The following PIAS2 variants were observed in gnomAD, a reference collection of about 807,000 sequenced individuals.
The protein encoded by PIAS2 is protein inhibitor of activated STAT 2.
Under a neutral mutation model 69.7 loss-of-function variants are expected in PIAS2, and 19 were observed. That is an observed-to-expected ratio of 0.27 (90% CI 0.19 to 0.40). The LOEUF (loss-of-function observed/expected upper bound fraction) is 0.40, where lower values mean the gene tolerates loss of function less well. PIAS2 is among the 10% of genes least tolerant of loss of function. The pLI, the probability that PIAS2 is intolerant of heterozygous loss-of-function variation, is 1.00. For missense variants in PIAS2, 624 were observed against 757.0 expected, an observed-to-expected ratio of 0.82 and a Z score of 2.06; for synonymous variants, 261 against 263.2, an observed-to-expected ratio of 0.99 and a Z score of 0.08.
chr18:46,868,119 A>G (rs957102646), intron 2 of PIAS2, among the ~76,000 whole-genome samples: 3 of 152,214 alleles, frequency 2.0e-5, no homozygotes, highest in Middle Eastern at 3.2e-3. Flanking sequence ...CTAAGACCCC[A>G]GAGATCTTGG....
intron 1 of PIAS2, among the ~76,000 whole-genome samples, chr18:46,893,065 A>C (rs1479369746): frequency 6.6e-6 from 1 of 152,146 alleles, no homozygotes; most frequent in Non-Finnish European, 1.5e-5. Context: ...CACATACCAC[A>C]ATGTGTGTTA....
intron 1 of PIAS2, among the ~76,000 whole-genome samples, chr18:46,915,871 A>G (rs940064516): frequency 2.0e-5 from 3 of 152,150 alleles, no homozygotes; most frequent in African/African-American, 4.8e-5. Context: ...AAAAATAAAT[A>G]TAACTTCAGA....
intron 1 of PIAS2, among the ~76,000 whole-genome samples, chr18:46,899,680 T>G (rs1229358951): frequency 1.3e-5 from 2 of 152,220 alleles, no homozygotes; most frequent in Non-Finnish European, 2.9e-5. Flanking sequence ...TTTTGCAGGC[T>G]GGTCTCAAAC....
intron 8 of PIAS2, among the ~76,000 whole-genome samples, chr18:46,839,432 T>C (rs770468509): frequency 5.3e-5 from 8 of 152,192 alleles, no homozygotes; most frequent in Non-Finnish European, 8.8e-5. Flanking sequence ...AAATGATCAT[T>C]TTTACTTTTT....
At chr18:46,918,594 G>GT (rs2058281253), upstream of PIAS2, among the ~76,000 whole-genome samples, 1 of 152,054 alleles carries the variant, frequency 6.6e-6, no homozygotes, top group Non-Finnish European at 1.5e-5. Context: ...AGCTGCGATT[G>GT]TATTTTTGGT....
At position 46,890,749 on chromosome 18, in the gene PIAS2, T is replaced by G. The variant is rs1289220580; in HGVS notation, c.330A>C (p.Thr110=). 3.1e-6 allele frequency: 5 copies of G among 1,613,934 alleles called. No homozygotes were observed. Among genetic ancestry groups the G allele is most frequent in the Non-Finnish European group, 4.2e-6 (5 of 1,180,010 alleles). Residue 110 remains threonine, a synonymous_variant, in exon 2 of 14, where the codon ACA becomes ACC. Coordinates refer to ENST00000585916, the MANE Select transcript of PIAS2 (RefSeq NM_004671.5). ...GIHSLPSTSV[T]PHSPSSPVGS... is the part of the protein sequence containing the mutation. ...CAACAGGAGAGGATGGTGAGTGAGG[T>G]GTAACTGAAGTGGAAGGCAACGAGT...
chr18:46,849,459 T>C (rs1237229972), intron 5 of PIAS2, among the ~76,000 whole-genome samples: 1 of 152,120 alleles, frequency 6.6e-6, no homozygotes, highest in Non-Finnish European at 1.5e-5. Context: ...AAAGCAAAAA[T>C]AAAGTCAAGT....
At chr18:46,847,482 ATT>A (rs536478394) in intron 5 of PIAS2, among the ~76,000 whole-genome samples, 12 of 138,410 alleles carry the variant, frequency 8.7e-5, no homozygotes, top group Non-Finnish European at 1.1e-4. Flanking sequence ...CATCAACCGT[ATT>A]TTTTTTTTTT....
intron 3 of PIAS2, among the ~76,000 whole-genome samples, chr18:46,858,738 TAAAC>T (rs967977603): frequency 9.2e-5 from 14 of 152,198 alleles, no homozygotes; most frequent in African/African-American, 3.4e-4. Context: ...TGAAAGCTAT[TAAAC>T]ATAAATACCA....
upstream of PIAS2, chr18:46,918,043 C>G (rs1266120841): frequency 6.6e-6 from 1 of 151,450 alleles, no homozygotes; most frequent in Non-Finnish European, 1.5e-5. Context: ...CTGAAGGTCA[C>G]GGACTGCAGA....
At chr18:46,905,625 A>G (rs1029923837) in intron 1 of PIAS2, 7 of 152,160 alleles carry the variant, frequency 4.6e-5, no homozygotes, top group African/African-American at 1.7e-4. Flanking sequence ...AAAAAAAGAC[A>G]AGGGGATATT....
rs765598600 is a variant in PIAS2, at chr18:46,806,455, T to A, written c.*5978A>T. ...TCACTGCAACCTCCGCCTCTCAGGT[T>A]CAAGCAATTCTCATCCCTCAGCCTC... On this transcript the variant is annotated 3_prime_UTR_variant, in exon 14 of 14. Transcript: ENST00000585916. The A allele has an allele frequency of 1.4e-5, 2 of 145,500 alleles. No homozygotes were observed. The highest frequency in any genetic ancestry group is 3.0e-5 in the Non-Finnish European group (2 of 66,926). The allele number at this position is 145,500 out of a possible 1,614,324, so 9.0% of individuals were successfully genotyped here.
intron 8 of PIAS2, 172 bp downstream of exon 8, chr18:46,843,882 A>G (rs2045776063): frequency 6.6e-6 from 3 of 455,526 alleles, no homozygotes; most frequent in Non-Finnish European, 8.0e-6. Flanking sequence ...TATTCTTTGC[A>G]TGCCCAAATA....
chr18:46,814,629 G>A (rs1219301129), intron 13 of PIAS2, among the ~76,000 whole-genome samples: 6 of 152,076 alleles, frequency 3.9e-5, no homozygotes. Context: ...AGTGACCCGT[G>A]GTTCTTCCTC....
intron 11 of PIAS2, among the ~76,000 whole-genome samples, chr18:46,823,565 C>T (rs1257678383): frequency 6.6e-6 from 1 of 152,166 alleles, no homozygotes; most frequent in Non-Finnish European, 1.5e-5. Flanking sequence ...CACTTAGTAA[C>T]ATGAAACTTT....
intron 1 of PIAS2, 117 bp downstream of exon 1, chr18:46,917,205 C>CA: frequency 7.6e-7 from 1 of 1,322,970 alleles, no homozygotes; most frequent in Non-Finnish European, 9.9e-7. Flanking sequence ...GGCCGGGGCT[C>CA]AGGGCTCCGC....
In PIAS2 at chr18:46,893,404, ACAAAAC is replaced by A. The variant is rs1164035426; in HGVS notation, c.25-2356_25-2351del. 1.3e-5 allele frequency: 12 copies of A among 896,892 alleles called. No homozygotes were observed. The Admixed American group carries it at 1.9e-4, about 14-fold the overall frequency. 55.6% of individuals were successfully genotyped at this position (896,892 alleles called of 1,614,324 possible). A position where few individuals can be genotyped will look rare whatever the true frequency, so the allele number is the denominator to read the frequency against. The stretch of plus-strand genomic sequence containing the variant: ...TAAGGGAAGCTATTTTACAGAAATG[ACAAAAC>A]AAAGCACAAAGTCATCCTACCTAAG... On this transcript the variant is annotated intron_variant, in intron 1 of 13. Coordinates refer to ENST00000585916, the MANE Select transcript of PIAS2 (RefSeq NM_004671.5).
chr18:46,907,093 G>A (rs560639311), intron 1 of PIAS2, among the ~76,000 whole-genome samples: 2 of 152,270 alleles, frequency 1.3e-5, no homozygotes, highest in East Asian at 3.9e-4. Context: ...ATCTGCCAAT[G>A]GAAAAGGGCA....
At chr18:46,832,908 A>AAAAAAAAAAAAAC (rs1568417434) in intron 9 of PIAS2, among the ~76,000 whole-genome samples, 1 of 151,786 alleles carries the variant, frequency 6.6e-6, no homozygotes, top group African/African-American at 2.4e-5. Context: ...AAAAAAAAAA[A>AAAAAAAAAAAAAC]AGAGAAGCCA....
Sources: allele counts gnomAD v4.1 joint callset (sites outside exome capture counted in the v4.1 genomes callset), GRCh38; gene constraint gnomAD v4.1.1; transcripts MANE v1.5; gene names NCBI Gene and HGNC (gene_info 2026-07-23, HGNC 2026-07-21).